The following FAM24B variants were observed in gnomAD, a reference collection of about 807,000 sequenced individuals.
FAM24B encodes family with sequence similarity 24 member B.
A neutral mutation model predicts 2.3 loss-of-function variants in FAM24B; 3 were observed. The observed-to-expected ratio is 1.29, with a 90% confidence interval of 0.59 to 3.32. FAM24B has a LOEUF of 3.32. FAM24B is among the 30% of genes most tolerant of loss of function. The pLI, the probability that FAM24B is intolerant of heterozygous loss-of-function variation, is 0.03. For synonymous variants in FAM24B, 36 were observed against 46.3 expected, an observed-to-expected ratio of 0.78 and a Z score of 0.90; for missense variants, 98 against 117.2, an observed-to-expected ratio of 0.84 and a Z score of 0.76.
At chr10:122,857,619 G>A (rs1214206239) in intron 1 of FAM24B, among the ~76,000 whole-genome samples, 1 of 152,094 alleles carries the variant, frequency 6.6e-6, no homozygotes, top group Non-Finnish European at 1.5e-5. Flanking sequence ...CTCCACAAAG[G>A]CAGTTTTGCT....
intron 1 of FAM24B, among the ~76,000 whole-genome samples, chr10:122,864,150 T>G (rs936659805): frequency 6.6e-6 from 1 of 152,194 alleles, no homozygotes; most frequent in Non-Finnish European, 1.5e-5. Flanking sequence ...CATGAAGTTG[T>G]TGAAAAAATT....
chr10:122,878,250 T>C (rs1848010205), intron 1 of FAM24B, among the ~76,000 whole-genome samples: 1 of 152,114 alleles, frequency 6.6e-6, no homozygotes. Context: ...GAAGTAATGG[T>C]GGCCAGGTGC....
At chr10:122,851,006 T>C (rs1281893348) in intron 2 of FAM24B, among the ~76,000 whole-genome samples, 1 of 152,234 alleles carries the variant, frequency 6.6e-6, no homozygotes, top group African/African-American at 2.4e-5. Flanking sequence ...CAAATGTTAC[T>C]GTCCCAACAA....
intron 1 of FAM24B, among the ~76,000 whole-genome samples, chr10:122,865,911 C>CT (rs1222037474): frequency 4.2e-3 from 589 of 139,630 alleles, no homozygotes; most frequent in Middle Eastern, 0.015. Flanking sequence ...TTGTATTATT[C>CT]TTTTTTTTTT....
rs1202746482 is a variant in FAM24B, at chr10:122,875,195, G to A, written c.-178+4290C>T. 2.0e-5 allele frequency among the ~76,000 whole-genome samples: 3 copies of A among 151,672 alleles called. No homozygotes were observed. In the South Asian group the frequency reaches 6.2e-4, roughly 32 times the overall value. ...AGTTCTTCAAGCTCATTTATTCTTT[G>A]GCCTGTCCAGTCTCCTGATAAACCC... On this transcript the variant is annotated intron_variant, in intron 1 of 3. Coordinates refer to ENST00000368898, the MANE Select transcript of FAM24B (RefSeq NM_152644.3).
At position 122,849,183 on chromosome 10, in the gene FAM24B, G is replaced by T; in HGVS notation, c.*64C>A. 1 of 1,244,332 alleles carries T rather than the reference G, an allele frequency of 8.0e-7. No individual in the cohort carries two copies. Among genetic ancestry groups the T allele is most frequent in the Non-Finnish European group, 1.1e-6 (1 of 920,686 alleles). The allele number at this position is 1,244,332 out of a possible 1,614,324, so 77.1% of individuals were successfully genotyped here. On this transcript the variant is annotated 3_prime_UTR_variant, in exon 4 of 4. Transcript: ENST00000368898. ...ACATAAAAACACTAGAACTTGATTT[G>T]AATAACAAAACAATCTACTAAGAAG...
intron 1 of FAM24B, among the ~76,000 whole-genome samples, chr10:122,871,644 C>G (rs906863478): frequency 8.5e-5 from 13 of 152,140 alleles, no homozygotes; most frequent in Non-Finnish European, 1.8e-4. Context: ...GTATCTACAA[C>G]TATCTGATCT....
intron 1 of FAM24B, among the ~76,000 whole-genome samples, chr10:122,863,226 T>C (rs1408479478): frequency 6.6e-6 from 1 of 152,216 alleles, no homozygotes; most frequent in Admixed American, 6.5e-5. Flanking sequence ...ATAGCTGATA[T>C]TACACTGATT....
At chr10:122,862,192 T>C (rs1847734564) in intron 1 of FAM24B, among the ~76,000 whole-genome samples, 2 of 152,232 alleles carry the variant, frequency 1.3e-5, no homozygotes, top group South Asian at 2.1e-4. Context: ...CAAAATGGCA[T>C]TCCTTGGCCA....
Position 122,855,753 on chromosome 10 carries a change from A to G in FAM24B, c.-144T>C, listed in dbSNP as rs1847627827. ...GTCAGGCATCCTCCAGGGTCTTCCA[A>G]CTGCAGCTTCCCATCTCACCACTTC... On this transcript the variant is annotated 5_prime_UTR_variant, in exon 2 of 4. Coordinates refer to ENST00000368898, the MANE Select transcript of FAM24B (RefSeq NM_152644.3). 6.6e-6 allele frequency: 1 copy of G among 152,242 alleles called. No homozygotes were observed. Among genetic ancestry groups the G allele is most frequent in the Non-Finnish European group, 1.5e-5 (1 of 68,072 alleles). 9.4% of individuals were successfully genotyped at this position (152,242 alleles called of 1,614,324 possible). A position where few individuals can be genotyped will look rare whatever the true frequency, so the allele number is the denominator to read the frequency against.
intron 1 of FAM24B, among the ~76,000 whole-genome samples, chr10:122,868,407 C>T (rs189704579): frequency 0.011 from 1,663 of 152,254 alleles, 30 homozygotes; most frequent in African/African-American, 0.038. Context: ...GGCAGGCCAA[C>T]ATTCAAATTC....
intron 1 of FAM24B, among the ~76,000 whole-genome samples, chr10:122,878,290 T>C (rs1178537843): frequency 2.6e-5 from 4 of 152,134 alleles, no homozygotes; most frequent in African/African-American, 4.8e-5. Context: ...CCCAGCACTT[T>C]TGGGAGCCGA....
At chr10:122,857,294 A>G (rs538953343) in intron 1 of FAM24B, among the ~76,000 whole-genome samples, 1 of 152,184 alleles carries the variant, frequency 6.6e-6, no homozygotes, top group South Asian at 2.1e-4. Context: ...CCTCTAGGGG[A>G]TAAGAATATA....
chr10:122,860,204 C>T (rs1847706101), intron 1 of FAM24B, among the ~76,000 whole-genome samples: 1 of 152,198 alleles, frequency 6.6e-6, no homozygotes, highest in Non-Finnish European at 1.5e-5. Flanking sequence ...CAGCTTCTCC[C>T]CTATATGCCA....
At chr10:122,849,567 T>G (rs1418799251) in intron 3 of FAM24B, 128 bp from the exon 4 acceptor site, 1 of 723,798 alleles carries the variant, frequency 1.4e-6, no homozygotes, top group African/African-American at 1.8e-5. Flanking sequence ...AGCCCTACAT[T>G]AAAGCTCTCT....
chr10:122,849,566 T>C, intron 3 of FAM24B, 127 bp from the exon 4 acceptor site: 1 of 745,162 alleles, frequency 1.3e-6, no homozygotes, highest in Non-Finnish European at 2.1e-6. Context: ...CAGCCCTACA[T>C]TAAAGCTCTC....
intron 1 of FAM24B, among the ~76,000 whole-genome samples, chr10:122,870,416 A>C (rs1245574444): frequency 1.3e-5 from 2 of 152,180 alleles, no homozygotes; most frequent in Non-Finnish European, 2.9e-5. Flanking sequence ...AAAAGAGGGA[A>C]TCCTCCCTAA....
chr10:122,875,351 C>T (rs114172993), intron 1 of FAM24B, among the ~76,000 whole-genome samples: 2,927 of 152,232 alleles, frequency 0.019, 107 homozygotes, highest in African/African-American at 0.067. Context: ...TCCATTAGAG[C>T]CCTTATATAT....
chr10:122,875,962 G>C (rs2133843719), intron 1 of FAM24B, among the ~76,000 whole-genome samples: 1 of 152,300 alleles, frequency 6.6e-6, no homozygotes, highest in East Asian at 1.9e-4. Flanking sequence ...CCCCGCCCTA[G>C]TGCTGGCACG....
Sources: gnomAD v4.1 joint callset for allele counts (sites outside exome capture counted in the v4.1 genomes callset) on GRCh38, gnomAD v4.1.1 for gene constraint, MANE v1.5 for transcripts, NCBI Gene and HGNC (gene_info 2026-07-23, HGNC 2026-07-21) for gene names.